Variants in ITPKC observed in about 807,000 individuals in gnomAD.
ITPKC encodes IP3 3-kinase C.
Under a neutral mutation model 67.1 loss-of-function variants are expected in ITPKC, and 33 were observed. The ratio of observed to expected loss-of-function variants is 0.49; its 90% CI spans 0.37 to 0.66. ITPKC has a LOEUF of 0.66. ITPKC is among the 30% of genes least tolerant of loss of function. The pLI is 0.00. For missense variants in ITPKC, 820 were observed against 892.1 expected, an observed-to-expected ratio of 0.92 and a Z score of 1.03; for synonymous variants, 341 against 359.8, an observed-to-expected ratio of 0.95 and a Z score of 0.59.
rs1252983559 is a variant in ITPKC at position 40,736,929 on chromosome 19, T to A, written c.1675-57T>A. The A allele has an allele frequency of 5.0e-6, 6 of 1,194,486 alleles. No homozygotes were observed. In the African/African-American group the frequency reaches 9.1e-5, roughly 18 times the overall value. The allele number at this position is 1,194,486 out of a possible 1,614,324, so 74.0% of individuals were successfully genotyped here. A position where few individuals can be genotyped will look rare whatever the true frequency, so the allele number is the denominator to read the frequency against. On this transcript the variant is annotated intron_variant, in intron 4 of 6. Coordinates refer to ENST00000263370, the MANE Select transcript of ITPKC (RefSeq NM_025194.3). ...CTGGGAGGTATTTGAGGTTGCTGGGTATTGGGTGCGGGAAGGAAAAGCCCA... is the reference window on the plus strand; with the variant it reads ...CTGGGAGGTATTTGAGGTTGCTGGGAATTGGGTGCGGGAAGGAAAAGCCCA...
Position 40,717,131 on chromosome 19 carries a change from C to A in ITPKC, c.-5C>A. 1.6e-6 allele frequency: 2 copies of A among 1,223,600 alleles called. No individual in the cohort carries two copies. Among genetic ancestry groups the A allele is most frequent in the Non-Finnish European group, 2.0e-6 (2 of 982,242 alleles). 75.8% of individuals were successfully genotyped at this position (1,223,600 alleles called of 1,614,324 possible). A position where few individuals can be genotyped will look rare whatever the true frequency, so the allele number is the denominator to read the frequency against. On this transcript the variant is annotated 5_prime_UTR_variant, in exon 1 of 7. Transcript: ENST00000263370. ...TCGGCCGAAGCCCGAACCGAAGGAG[C>A]GGGCATGAGGCGCTGCCCGTGCCGT...
intron 3 of ITPKC, among the ~76,000 whole-genome samples, chr19:40,732,629 G>A (rs1207157538): frequency 1.3e-5 from 2 of 151,360 alleles, no homozygotes; most frequent in African/African-American, 2.4e-5. Context: ...ACCGGGTCTC[G>A]CTATGTTGCC....
chr19:40,731,726 C>A (rs2082272228), intron 3 of ITPKC, among the ~76,000 whole-genome samples: 1 of 151,402 alleles, frequency 6.6e-6, no homozygotes, highest in Admixed American at 6.6e-5. Flanking sequence ...CCATGCCCAG[C>A]CTAATCCTTG....
At chr19:40,732,687 C>A (rs2082277333) in intron 3 of ITPKC, among the ~76,000 whole-genome samples, 1 of 152,118 alleles carries the variant, frequency 6.6e-6, no homozygotes, top group Non-Finnish European at 1.5e-5. Context: ...CTGCCTTGGC[C>A]TCCCAAAGTG....
chr19:40,734,321 C>A (rs570035461), intron 4 of ITPKC, among the ~76,000 whole-genome samples: 6 of 152,126 alleles, frequency 3.9e-5, no homozygotes, highest in African/African-American at 1.4e-4. Flanking sequence ...CAAAGAATCA[C>A]TTTGTATATA....
At position 40,737,681 on chromosome 19, in the gene ITPKC, C is replaced by T. The variant is rs759945308; in HGVS notation, c.1777-17C>T. 2.7e-5 allele frequency: 44 copies of T among 1,612,790 alleles called. No homozygotes were observed. Among genetic ancestry groups the T allele is most frequent in the Middle Eastern group, 1.6e-4 (1 of 6,070 alleles). On this transcript the variant is annotated splice_polypyrimidine_tract_variant and intron_variant, in intron 5 of 6. Transcript: ENST00000263370. ...CAAAGTCCCCATGCTAACCAAAGAA[C>T]GCTCCCTGTCACACAGCAAAAGTAC...
chr19:40,730,877 G>A (rs1178572617), intron 3 of ITPKC, among the ~76,000 whole-genome samples: 4 of 152,056 alleles, frequency 2.6e-5, no homozygotes, highest in Admixed American at 6.6e-5. Context: ...ACCAAGCAAC[G>A]GACACCAGCT....
chr19:40,733,365 G>A lies in ITPKC; in HGVS notation c.1674+1G>A. ...GGGCTTCCGGATCGAGGGCATCAAGGTGAGGACCAGGAACCGCCTGGCCTG... is the reference window on the plus strand; with the variant it reads ...GGGCTTCCGGATCGAGGGCATCAAGATGAGGACCAGGAACCGCCTGGCCTG... On this transcript the variant is annotated splice_donor_variant, in intron 4 of 6. Coordinates refer to ENST00000263370, the MANE Select transcript of ITPKC (RefSeq NM_025194.3). LOFTEE classifies it high-confidence loss of function. The A allele has an allele frequency of 6.2e-7, 1 of 1,605,642 alleles. No homozygotes were observed. The highest frequency in any genetic ancestry group is 8.5e-7 in the Non-Finnish European group (1 of 1,175,940).
chr19:40,724,133 TGTG>T (rs989331898), intron 1 of ITPKC, among the ~76,000 whole-genome samples: 1 of 152,124 alleles, frequency 6.6e-6, no homozygotes, highest in African/African-American at 2.4e-5. Flanking sequence ...CAAGGCCAGG[TGTG>T]GTGGCTCACA....
intron 1 of ITPKC, among the ~76,000 whole-genome samples, chr19:40,724,415 A>G (rs915956114): frequency 6.6e-6 from 1 of 152,134 alleles, no homozygotes; most frequent in Admixed American, 6.6e-5. Context: ...CAAACAAAAA[A>G]CAACAATCCC....
rs190301329 is a variant in ITPKC at position 40,729,867 on chromosome 19, G to A, written c.1469+452G>A. On this transcript the variant is annotated intron_variant, in intron 3 of 6. Transcript: ENST00000263370. Reference sequence around the variant, plus strand: ...ACCACCATGTATGAGTGTTACAGTCGTCCCAGATTCTCACCGGTGCTTGGT... The same window carrying A: ...ACCACCATGTATGAGTGTTACAGTCATCCCAGATTCTCACCGGTGCTTGGT... 1.7e-3 allele frequency among the ~76,000 whole-genome samples: 264 copies of A among 152,282 alleles called. 1 individual carries two copies. Among genetic ancestry groups the A allele is most frequent in the Non-Finnish European group, 2.6e-3 (177 of 68,012 alleles).
At chr19:40,739,307 C>T in intron 6 of ITPKC, 50 bp from the exon 7 acceptor site, 1 of 1,408,266 alleles carries the variant, frequency 7.1e-7, no homozygotes, top group Non-Finnish European at 9.9e-7. Flanking sequence ...CAGGAAGGGA[C>T]CTTGGCCAGT....
chr19:40,724,554 TTC>T (rs2082237237), intron 1 of ITPKC, among the ~76,000 whole-genome samples: 1 of 152,102 alleles, frequency 6.6e-6, no homozygotes, highest in Non-Finnish European at 1.5e-5. Flanking sequence ...GCCTCTCTGT[TTC>T]TGTCTCTCTC....
intron 2 of ITPKC, among the ~76,000 whole-genome samples, chr19:40,727,492 G>A (rs1460028464): frequency 6.6e-6 from 1 of 152,150 alleles, no homozygotes; most frequent in Non-Finnish European, 1.5e-5. Flanking sequence ...AGGATGGCAG[G>A]GATGGCTTTT....
rs2144760114 is a variant in ITPKC, at chr19:40,739,461, C to T, written c.1953C>T (p.Leu651=). The T allele has an allele frequency of 6.2e-7, 1 of 1,613,606 alleles. No individual in the cohort carries two copies. Among genetic ancestry groups the T allele is most frequent in the Non-Finnish European group, 8.5e-7 (1 of 1,180,016 alleles). ...TGGCCTTGCCCGACCACCAGACGCT[C>T]AGCCACAGGCTGCCCTGGGCTGAGG... ...KTVALPDHQT[L]SHRLPWAEGN... Residue 651 remains leucine (L), a synonymous_variant, in exon 7 of 7, where the codon CTC becomes CTT. Transcript: ENST00000263370.
chr19:40,718,420 C>A, intron 1 of ITPKC, 130 bp downstream of exon 1: 2 of 1,191,872 alleles, frequency 1.7e-6, no homozygotes, highest in South Asian at 1.9e-5. Flanking sequence ...GGAACCTCTT[C>A]CATCCACTGA....
At chr19:40,725,298 C>A in intron 1 of ITPKC, 42 bp from the exon 2 acceptor site, 2 of 1,361,054 alleles carry the variant, frequency 1.5e-6, no homozygotes, top group South Asian at 2.3e-5. Flanking sequence ...CCCTGCCTTC[C>A]CTGGCCTTGG....
chr19:40,728,648 G>C (rs2082256760), intron 2 of ITPKC, among the ~76,000 whole-genome samples: 1 of 152,150 alleles, frequency 6.6e-6, no homozygotes, highest in Non-Finnish European at 1.5e-5. Flanking sequence ...AAACAAATTA[G>C]GATATCCTGT....
Position 40,737,032 on chromosome 19 carries a change from T to C in ITPKC, c.1721T>C (p.Leu574Pro). The C allele has an allele frequency of 6.3e-7, 1 of 1,594,482 alleles. No individual in the cohort carries two copies. Among genetic ancestry groups the C allele is most frequent in the Non-Finnish European group, 8.6e-7 (1 of 1,169,044 alleles). Residue 574 changes from leucine (L) to proline (P), a missense_variant, in exon 5 of 7, where the codon CTG (leucine) becomes CCG (proline). Leu to Pro is a moderately conservative substitution (Grantham distance 98). Transcript: ENST00000263370. ...CNTNFKKTQA[L>P]EQVTKVLEDF... ...ACCAACTTCAAGAAGACGCAGGCAC[T>C]GGAGCAGGTGACAAAAGTGCTGGAG... is the stretch of plus-strand genomic sequence containing the variant.
Sources: allele counts gnomAD v4.1 joint callset (sites outside exome capture counted in the v4.1 genomes callset), GRCh38; gene constraint gnomAD v4.1.1; transcripts MANE v1.5; gene names NCBI Gene and HGNC (gene_info 2026-07-23, HGNC 2026-07-21).